Variants in EXOC6B observed in about 807,000 individuals in gnomAD.
EXOC6B encodes the protein exocyst complex component 6B, also known as SEC15 homolog B.
A neutral mutation model predicts 113.5 loss-of-function variants in EXOC6B; 54 were observed. That is an observed-to-expected ratio of 0.48 (90% CI 0.38 to 0.60). The LOEUF is 0.60. Among genes scored for constraint, EXOC6B ranks in the 20% least tolerant of loss-of-function variants. The probability of loss-of-function intolerance (pLI) is 0.00; values close to 1 mark genes in which losing one functional copy is unlikely to be tolerated. For missense variants in EXOC6B, 797 were observed against 977.5 expected (o/e 0.82, Z 2.46); for synonymous variants, 357 against 339.0 (o/e 1.05, Z -0.58).
chr2:72,343,395 C>G (rs1000360717), intron 19 of EXOC6B, among the ~76,000 whole-genome samples: 2 of 152,194 alleles, frequency 1.3e-5, no homozygotes, highest in African/African-American at 4.8e-5. Flanking sequence ...CCACTGCACT[C>G]CAGCCTGGGC....
intron 6 of EXOC6B, among the ~76,000 whole-genome samples, chr2:72,642,877 C>G (rs1386841850): frequency 6.7e-6 from 1 of 149,222 alleles, no homozygotes; most frequent in East Asian, 2.0e-4. Context: ...TGACAAAGGG[C>G]TAATATCCAG....
intron 18 of EXOC6B, chr2:72,462,548 T>C (rs755112406): frequency 2.0e-5 from 3 of 152,070 alleles, no homozygotes; most frequent in East Asian, 1.9e-4. Flanking sequence ...TAGTGCCTTA[T>C]AGAAGGGATT....
chr2:72,367,578 A>C (rs1690708714), intron 19 of EXOC6B, among the ~76,000 whole-genome samples: 1 of 152,198 alleles, frequency 6.6e-6, no homozygotes, highest in African/African-American at 2.4e-5. Flanking sequence ...AGAACCAAAA[A>C]TCAGGTGAGC....
At chr2:72,714,117 A>C (rs17008360) in intron 6 of EXOC6B, among the ~76,000 whole-genome samples, 42,674 of 152,110 alleles carry the variant, frequency 0.28, 11,693 homozygotes, top group African/African-American at 0.72. Flanking sequence ...GCACTTTGGT[A>C]TTTACATAAG....
intron 11 of EXOC6B, among the ~76,000 whole-genome samples, chr2:72,507,924 G>A (rs1306654094): frequency 7.0e-6 from 1 of 143,778 alleles, no homozygotes; most frequent in Non-Finnish European, 1.5e-5. Flanking sequence ...ATTCCCAAAT[G>A]TATCAGGAAC....
chr2:72,556,704 G>A (rs1199936742), intron 8 of EXOC6B, among the ~76,000 whole-genome samples: 1 of 151,850 alleles, frequency 6.6e-6, no homozygotes, highest in Non-Finnish European at 1.5e-5. Flanking sequence ...AATATTAAAT[G>A]TAGTATAAAG....
chr2:72,370,165 G>A (rs1045622273), intron 19 of EXOC6B, among the ~76,000 whole-genome samples: 106 of 151,912 alleles, frequency 7.0e-4, no homozygotes, highest in African/African-American at 2.5e-3. Flanking sequence ...AAATTTACAA[G>A]AAAAAAACAA....
chr2:72,627,120 T>C (rs1253587954), intron 6 of EXOC6B, among the ~76,000 whole-genome samples: 2 of 152,144 alleles, frequency 1.3e-5, no homozygotes, highest in Non-Finnish European at 2.9e-5. Context: ...GTTATGAAGA[T>C]AGAGGATGGA....
intron 2 of EXOC6B, among the ~76,000 whole-genome samples, chr2:72,737,372 T>A (rs1681034377): frequency 6.6e-6 from 1 of 151,996 alleles, no homozygotes; most frequent in Non-Finnish European, 1.5e-5. Context: ...AAAAGTTCTT[T>A]AATATACTTT....
chr2:72,750,158 G>A (rs1016859598), intron 1 of EXOC6B, among the ~76,000 whole-genome samples: 12 of 151,646 alleles, frequency 7.9e-5, no homozygotes, highest in African/African-American at 1.5e-4. Flanking sequence ...AATTTCACCC[G>A]TAAGTGGTTG....
intron 20 of EXOC6B, among the ~76,000 whole-genome samples, chr2:72,266,351 A>T (rs1329710956): frequency 9.4e-5 from 14 of 148,342 alleles, no homozygotes; most frequent in African/African-American, 3.0e-4. Flanking sequence ...CTGAATGGTA[A>T]TGCCTAGGTT....
At chr2:72,239,700 G>T (rs1230593941) in intron 20 of EXOC6B, among the ~76,000 whole-genome samples, 1 of 152,144 alleles carries the variant, frequency 6.6e-6, no homozygotes, top group African/African-American at 2.4e-5. Flanking sequence ...CTGCAAATAA[G>T]TTAATGGGGA....
At chr2:72,622,868 G>T (rs1202918618) in intron 6 of EXOC6B, among the ~76,000 whole-genome samples, 1 of 152,132 alleles carries the variant, frequency 6.6e-6, no homozygotes, top group Non-Finnish European at 1.5e-5. Flanking sequence ...GAAACAACCA[G>T]AATTCTCATA....
chr2:72,657,569 T>TTTC (rs1674682883), intron 6 of EXOC6B, among the ~76,000 whole-genome samples: 1 of 124,968 alleles, frequency 8.0e-6, no homozygotes, highest in East Asian at 2.3e-4. Flanking sequence ...TTCCTTTTCT[T>TTTC]TTTTTTTTTT....
chr2:72,673,761 TTTTTA>T (rs938923191), intron 6 of EXOC6B, among the ~76,000 whole-genome samples: 17 of 149,948 alleles, frequency 1.1e-4, no homozygotes, highest in Admixed American at 2.7e-4. Flanking sequence ...ATTTTATTAT[TTTTTA>T]TTTTATTTTT....
At chr2:72,326,590 G>C (rs1034339177) in intron 20 of EXOC6B, among the ~76,000 whole-genome samples, 1 of 152,030 alleles carries the variant, frequency 6.6e-6, no homozygotes, top group Admixed American at 6.6e-5. Context: ...TGACTTTGCT[G>C]TGAGGCTATC....
intron 1 of EXOC6B, among the ~76,000 whole-genome samples, chr2:72,751,586 T>C (rs1682046820): frequency 6.6e-6 from 1 of 151,956 alleles, no homozygotes; most frequent in African/African-American, 2.4e-5. Context: ...TTATTTTTGG[T>C]TTACAAATAG....
chr2:72,727,386 C>T (rs1307519608), intron 5 of EXOC6B, among the ~76,000 whole-genome samples: 2 of 151,980 alleles, frequency 1.3e-5, no homozygotes, highest in African/African-American at 4.8e-5. Context: ...GGCCTGTAAT[C>T]TTCAAAAGTA....
chr2:72,382,719 T>A (rs1691763061), intron 18 of EXOC6B, among the ~76,000 whole-genome samples: 1 of 152,184 alleles, frequency 6.6e-6, no homozygotes, highest in African/African-American at 2.4e-5. Context: ...AGTGTTTTTA[T>A]ACTTCTCATT....
Sources: allele counts gnomAD v4.1 joint callset (sites outside exome capture counted in the v4.1 genomes callset), GRCh38; gene constraint gnomAD v4.1.1; transcripts MANE v1.5; gene names NCBI Gene and HGNC (gene_info 2026-07-23, HGNC 2026-07-21).